Variants in RABGAP1L observed in about 807,000 individuals in gnomAD.
RABGAP1L encodes the protein rab GTPase-activating protein 1-like.
A neutral mutation model predicts 137.7 loss-of-function variants in RABGAP1L; 63 were observed. The observed-to-expected ratio is 0.46, with a 90% CI of 0.37 to 0.56. RABGAP1L has a LOEUF of 0.56. Ranked by LOEUF, RABGAP1L falls within the 20% of genes least tolerant of loss-of-function variation. RABGAP1L has a pLI of 0.00. For missense variants in RABGAP1L, 1,095 were observed against 1,244.0 expected, an observed-to-expected ratio of 0.88 and a Z score of 1.80; for synonymous variants, 431 against 433.7, an observed-to-expected ratio of 0.99 and a Z score of 0.08.
intron 1 of RABGAP1L, among the ~76,000 whole-genome samples, chr1:174,209,569 C>A (rs1015148126): frequency 2.3e-4 from 35 of 152,156 alleles, no homozygotes; most frequent in African/African-American, 8.0e-4. Flanking sequence ...AGTGCCAGCT[C>A]ATCTGTAGCA....
At chr1:174,345,192 T>C (rs1009469579) in intron 11 of RABGAP1L, among the ~76,000 whole-genome samples, 2 of 152,184 alleles carry the variant, frequency 1.3e-5, no homozygotes, top group Non-Finnish European at 2.9e-5. Flanking sequence ...TTGCTATAGC[T>C]CTTTAGTATA....
intron 17 of RABGAP1L, among the ~76,000 whole-genome samples, chr1:174,710,931 T>A (rs1484995763): frequency 1.3e-5 from 2 of 152,096 alleles, no homozygotes; most frequent in Admixed American, 6.5e-5. Flanking sequence ...GCGGTGCTCA[T>A]CGGGGAGGCT....
At chr1:174,478,599 G>T (rs1487215374) in intron 13 of RABGAP1L, among the ~76,000 whole-genome samples, 1 of 151,954 alleles carries the variant, frequency 6.6e-6, no homozygotes, top group Non-Finnish European at 1.5e-5. Context: ...ATTCTTTTCA[G>T]GAAGTCTTTT....
chr1:174,934,626 C>A (rs1664434082), intron 19 of RABGAP1L, among the ~76,000 whole-genome samples: 1 of 151,422 alleles, frequency 6.6e-6, no homozygotes, highest in African/African-American at 2.4e-5. Context: ...CTCATCTCCC[C>A]AAAAAAATAC....
intron 11 of RABGAP1L, among the ~76,000 whole-genome samples, chr1:174,335,085 A>G (rs779694814): frequency 3.3e-5 from 5 of 152,178 alleles, no homozygotes; most frequent in Non-Finnish European, 5.9e-5. Context: ...CATCACCTAT[A>G]TAAAAAAAAG....
At chr1:174,507,994 G>A (rs992617450) in intron 13 of RABGAP1L, among the ~76,000 whole-genome samples, 2 of 152,124 alleles carry the variant, frequency 1.3e-5, no homozygotes, top group Non-Finnish European at 2.9e-5. Flanking sequence ...TCACTACTGA[G>A]TAGCTTGTTC....
chr1:174,411,814 A>C (rs924606214), intron 13 of RABGAP1L, among the ~76,000 whole-genome samples: 1 of 152,012 alleles, frequency 6.6e-6, no homozygotes, highest in Non-Finnish European at 1.5e-5. Flanking sequence ...TTTGATACTG[A>C]TTTCTATTTG....
chr1:174,327,976 TATACACACAC>T lies in RABGAP1L; in HGVS notation c.1465+22853_1465+22862del, dbSNP rs1214611467. On this transcript the variant is annotated intron_variant, in intron 11 of 25. Transcript: ENST00000681986. ...TTGTAAATATATATATATATATATA[TATACACACAC>T]ATATATATATATATATATATATATA... Among the ~76,000 whole-genome samples, 70 of 30,682 alleles carry T rather than the reference TATACACACAC, an allele frequency of 2.3e-3. 1 individual carries two copies. Among genetic ancestry groups the T allele is most frequent in the African/African-American group, 0.016 (39 of 2,424 alleles). 20.1% of individuals were successfully genotyped at this position (30,682 alleles called of 152,430 possible).
At chr1:174,415,823 T>G (rs1383995398) in intron 13 of RABGAP1L, among the ~76,000 whole-genome samples, 1 of 151,952 alleles carries the variant, frequency 6.6e-6, no homozygotes, top group Non-Finnish European at 1.5e-5. Flanking sequence ...TCAGATCTTA[T>G]TTTCAAAGCT....
intron 14 of RABGAP1L, among the ~76,000 whole-genome samples, chr1:174,668,740 G>T (rs1676964013): frequency 6.6e-6 from 1 of 152,062 alleles, no homozygotes; most frequent in African/African-American, 2.4e-5. Context: ...ACGTGCAAGG[G>T]TTTCTTTTTC....
rs200124362 is a variant in RABGAP1L, at chr1:174,170,851, AAAG to A, written c.-34+11197_-34+11199del. Among the ~76,000 whole-genome samples, 1,288 of 152,328 alleles carry A rather than the reference AAAG, an allele frequency of 8.5e-3. 17 individuals carry two copies. The highest frequency in any genetic ancestry group is 0.03 in the African/African-American group (1,230 of 41,572). On this transcript the variant is annotated intron_variant, in intron 1 of 25. Coordinates refer to ENST00000681986, the MANE Select transcript of RABGAP1L (RefSeq NM_001366446.1). ...AGAATCAAAAAAGATAAGATGTACA[AAAG>A]AACACACAGATGTCTCTGGTGTATT...
intron 13 of RABGAP1L, among the ~76,000 whole-genome samples, chr1:174,585,739 T>C (rs1234395717): frequency 6.6e-6 from 1 of 151,996 alleles, no homozygotes; most frequent in Non-Finnish European, 1.5e-5. Context: ...CACCCTGGAG[T>C]GGTGGCATGG....
intron 13 of RABGAP1L, among the ~76,000 whole-genome samples, chr1:174,618,438 A>G (rs1174654358): frequency 6.6e-6 from 1 of 152,192 alleles, no homozygotes; most frequent in Non-Finnish European, 1.5e-5. Context: ...CTCCTCTGAG[A>G]CAAAACTTCC....
chr1:174,176,538 T>C (rs1446089429), intron 1 of RABGAP1L, among the ~76,000 whole-genome samples: 14 of 150,538 alleles, frequency 9.3e-5, no homozygotes, highest in Non-Finnish European at 1.8e-4. Context: ...GGTGAAACGC[T>C]GTCTCTACCA....
chr1:174,184,299 A>G (rs912777074), intron 1 of RABGAP1L, among the ~76,000 whole-genome samples: 4 of 152,212 alleles, frequency 2.6e-5, no homozygotes, highest in Non-Finnish European at 5.9e-5. Context: ...TCATCTACTG[A>G]AGGACATTTT....
chr1:174,242,664 G>GT (rs1671923831), intron 5 of RABGAP1L, among the ~76,000 whole-genome samples: 1 of 152,198 alleles, frequency 6.6e-6, no homozygotes. Context: ...ACACTAAACT[G>GT]AACATGCACA....
intron 7 of RABGAP1L, among the ~76,000 whole-genome samples, chr1:174,262,446 A>T (rs1336446122): frequency 6.6e-6 from 1 of 152,234 alleles, no homozygotes; most frequent in East Asian, 1.9e-4. Flanking sequence ...TTTGGAGCTC[A>T]TTAAAAAAAA....
At chr1:174,576,298 G>T (rs991067621) in intron 13 of RABGAP1L, among the ~76,000 whole-genome samples, 5 of 152,082 alleles carry the variant, frequency 3.3e-5, no homozygotes, top group African/African-American at 1.2e-4. Flanking sequence ...ATGAACAGGC[G>T]CCCCTCATGC....
At chr1:174,475,493 G>T (rs1571970592) in intron 13 of RABGAP1L, among the ~76,000 whole-genome samples, 2 of 152,056 alleles carry the variant, frequency 1.3e-5, no homozygotes, top group Non-Finnish European at 2.9e-5. Flanking sequence ...ATATTTTGTA[G>T]TGCTGTATAT....
Sources: allele counts gnomAD v4.1 joint callset (sites outside exome capture counted in the v4.1 genomes callset), GRCh38; gene constraint gnomAD v4.1.1; transcripts MANE v1.5; gene names NCBI Gene and HGNC (gene_info 2026-07-23, HGNC 2026-07-21).